SOX10: variants seen among roughly 807,000 people sequenced by gnomAD.
SOX10 encodes the protein SRY-box transcription factor 10.
SOX10 carries 3 observed loss-of-function variants against 35.0 expected under a neutral mutation model. The observed-to-expected ratio is 0.09, with a 90% CI of 0.04 to 0.22. The LOEUF (loss-of-function observed/expected upper bound fraction) is 0.22. SOX10 is among the 10% of genes least tolerant of loss of function. SOX10 has a pLI of 1.00. For synonymous variants in SOX10, 285 were observed against 291.0 expected (o/e 0.98, Z 0.21); for missense variants, 436 against 655.1 (o/e 0.67, Z 3.65).
chr22:37,983,223 C>G lies in SOX10; in HGVS notation c.428+134G>C, dbSNP rs922219943. ...GGAAGGGCGGGCGCGGCCCCCACAC[C>G]TGGTCTTCCAGCCCTATCCAAGGAG... On this transcript the variant is annotated intron_variant, in intron 2 of 3. Transcript: ENST00000396884. The surrounding 1 kb of genome is among the most constrained non-coding windows in gnomAD (Gnocchi z 9.5). The G allele has an allele frequency of 1.8e-6, 2 of 1,098,210 alleles. No individual in the cohort carries two copies. The highest frequency in any genetic ancestry group is 2.0e-5 in the Admixed American group (1 of 49,220). The allele number at this position is 1,098,210 out of a possible 1,614,324, so 68.0% of individuals were successfully genotyped here. A position where few individuals can be genotyped will look rare whatever the true frequency, so the allele number is the denominator to read the frequency against.
rs907109273 is a variant in SOX10, at chr22:37,975,001, A to G, written c.698-803T>C. Among the ~76,000 whole-genome samples the G allele has an allele frequency of 2.6e-5, 4 of 152,176 alleles. No homozygotes were observed. In the East Asian group the frequency reaches 7.7e-4, roughly 29 times the overall value. On this transcript the variant is annotated intron_variant, in intron 3 of 3. Transcript: ENST00000396884. ...TCCTCCTGAGCCCACCCTGCTTCCC[A>G]GCCCACTGGCAAGCCCTTAGCCCCG...
chr22:37,978,167 A>T lies in SOX10; in HGVS notation c.429-32T>A, dbSNP rs747919554. The T allele has an allele frequency of 6.6e-7, 1 of 1,510,498 alleles. No homozygotes were observed. The highest frequency in any genetic ancestry group is 2.0e-5 in the Admixed American group (1 of 49,916). The allele number at this position is 1,510,498 out of a possible 1,614,324, so 93.6% of individuals were successfully genotyped here. ...TGTGGTGGGAGGCGGAGAGGACAGC[A>T]GAGGGGCTGGCGTGAATGCCAGAGC... is the stretch of plus-strand genomic sequence containing the variant. On this transcript the variant is annotated intron_variant, in intron 2 of 3. Transcript: ENST00000396884. This position sits in a 1 kb window ranked among gnomAD's most constrained non-coding sequence, Gnocchi z 5.0.
rs949765986 is a variant in SOX10, at chr22:37,973,915, G to A, written c.981C>T (p.Ala327=). Residue 327 remains alanine, a synonymous_variant, in exon 4 of 4, where the codon GCC becomes GCT. Transcript: ENST00000396884. ...TGGAGATCCAGGCGGAGTGTCCACTGGCCACGGCCAGGGCACTGCCCAGCC... is the reference window on the plus strand; with the variant it reads ...TGGAGATCCAGGCGGAGTGTCCACTAGCCACGGCCAGGGCACTGCCCAGCC... ...GYGLGSALAV[A]SGHSAWISKP... 2 of 1,610,156 alleles carry A rather than the reference G, an allele frequency of 1.2e-6. No individual in the cohort carries two copies. The highest frequency in any genetic ancestry group is 2.7e-5 in the African/African-American group (2 of 75,052).
rs1219892479 is a variant in SOX10, at chr22:37,983,168, T to C, written c.428+189A>G. 6.6e-6 allele frequency among the ~76,000 whole-genome samples: 1 copy of C among 152,178 alleles called. No individual in the cohort carries two copies. The highest frequency in any genetic ancestry group is 1.5e-5 in the Non-Finnish European group (1 of 68,016). On this transcript the variant is annotated intron_variant, in intron 2 of 3. Coordinates refer to ENST00000396884, the MANE Select transcript of SOX10 (RefSeq NM_006941.4). The surrounding 1 kb of genome is among the most constrained non-coding windows in gnomAD (Gnocchi z 9.5). ...CGTAGGGAGACCCGGCCTAGGCCGC[T>C]GGAGTTCCGAGTTCCAGGGTCCTTG...
chr22:37,972,361 T>C lies in SOX10; in HGVS notation c.*1134A>G. On this transcript the variant is annotated 3_prime_UTR_variant, in exon 4 of 4. Coordinates refer to ENST00000396884, the MANE Select transcript of SOX10 (RefSeq NM_006941.4). ...TGTGGAATGCTTAATGCAGAGTTAA[T>C]AGGGGCTAGAGTGGCTAGGAGAGGG... 1.6e-6 allele frequency: 1 copy of C among 606,686 alleles called. No individual in the cohort carries two copies. The highest frequency in any genetic ancestry group is 1.5e-5 in the South Asian group (1 of 65,000). The allele number at this position is 606,686 out of a possible 1,614,324, so 37.6% of individuals were successfully genotyped here.
chr22:37,982,118 T>C (rs1932418142), intron 2 of SOX10, among the ~76,000 whole-genome samples: 2 of 152,150 alleles, frequency 1.3e-5, no homozygotes, highest in Admixed American at 6.5e-5. Context: ...TCCTCACTCT[T>C]GTTCTCATCT....
At position 37,977,942 on chromosome 22, in the gene SOX10, T is replaced by C. The variant is rs1400625808; in HGVS notation, c.622A>G (p.Lys208Glu). Residue 208 changes from lysine (K) to glutamate (E), a missense_variant, in exon 3 of 4, where the codon AAG (lysine) becomes GAG (glutamate). Coordinates refer to ENST00000396884, the MANE Select transcript of SOX10 (RefSeq NM_006941.4). ...TGCCGGTGGTCCAAGTGGGCGCTCT[T>C]GTAGTGGGCCTGGATGGCGGCGGTC... ...GGTAAIQAHY[K>E]SAHLDHRHPG... 5.6e-6 allele frequency: 9 copies of C among 1,612,668 alleles called. No homozygotes were observed. The highest frequency in any genetic ancestry group is 1.3e-5 in the African/African-American group (1 of 74,892).
intron 3 of SOX10, among the ~76,000 whole-genome samples, chr22:37,975,291 T>C (rs1169918853): frequency 6.6e-6 from 1 of 152,202 alleles, no homozygotes; most frequent in Admixed American, 6.5e-5. Flanking sequence ...TTGGAAGTGC[T>C]GTGGTGACAA....
rs1286674385 is a variant in SOX10 at position 37,980,071 on chromosome 22, G to A, written c.429-1936C>T. Among the ~76,000 whole-genome samples, 3 of 152,170 alleles carry A rather than the reference G, an allele frequency of 2.0e-5. No individual in the cohort carries two copies. Among genetic ancestry groups the A allele is most frequent in the African/African-American group, 7.2e-5 (3 of 41,440 alleles). ...TCCCCCCACCCCGGCCCTGAGCCCA[G>A]CCCTAGCCCCAGCTTTCTCAGAGGG... is the stretch of plus-strand genomic sequence containing the variant. On this transcript the variant is annotated intron_variant, in intron 2 of 3. Coordinates refer to ENST00000396884, the MANE Select transcript of SOX10 (RefSeq NM_006941.4). The surrounding 1 kb of genome is among the most constrained non-coding windows in gnomAD (Gnocchi z 4.1).
Position 37,973,974 on chromosome 22 carries a change from C to T in SOX10, c.922G>A (p.Gly308Ser). The T allele has an allele frequency of 6.2e-7, 1 of 1,612,420 alleles. No individual in the cohort carries two copies. The highest frequency in any genetic ancestry group is 8.5e-7 in the Non-Finnish European group (1 of 1,179,946). The stretch of plus-strand genomic sequence containing the variant: ...GCTGCTGAGTAGCTGCTCACATGGC[C>T]TGGGTGCCCATTGGGCGGCAGGTAC... ...DQYLPPNGHP[G>S]HVSSYSAAGY... Residue 308 changes from glycine to serine, a missense_variant, in exon 4 of 4, where the codon GGC (glycine) becomes AGC (serine). Transcript: ENST00000396884.
Position 37,978,161 on chromosome 22 carries a change from G to T in SOX10, c.429-26C>A. 1 of 1,519,502 alleles carries T rather than the reference G, an allele frequency of 6.6e-7. No homozygotes were observed. The highest frequency in any genetic ancestry group is 8.8e-7 in the Non-Finnish European group (1 of 1,134,312). 94.1% of individuals were successfully genotyped at this position (1,519,502 alleles called of 1,614,324 possible). ...CTGGGGTGTGGTGGGAGGCGGAGAG[G>T]ACAGCAGAGGGGCTGGCGTGAATGC... On this transcript the variant is annotated intron_variant, in intron 2 of 3. Transcript: ENST00000396884. The surrounding 1 kb of genome is among the most constrained non-coding windows in gnomAD (Gnocchi z 5.0).
At position 37,977,949 on chromosome 22, in the gene SOX10, G is replaced by A; in HGVS notation, c.615C>T (p.Ala205=). ...GGTCCAAGTGGGCGCTCTTGTAGTG[G>A]GCCTGGATGGCGGCGGTCCCACCTT... is the stretch of plus-strand genomic sequence containing the variant. ...AEQGGTAAIQ[A]HYKSAHLDHR... is the part of the protein sequence containing the mutation. The change falls in exon 3 of 4, where the codon GCC becomes GCT. Residue 205 remains alanine, a synonymous_variant. Coordinates refer to ENST00000396884, the MANE Select transcript of SOX10 (RefSeq NM_006941.4). 1 of 1,612,660 alleles carries A rather than the reference G, an allele frequency of 6.2e-7. No homozygotes were observed. Among genetic ancestry groups the A allele is most frequent in the East Asian group, 2.2e-5 (1 of 44,870 alleles).
chr22:37,973,078 T>G lies in SOX10; in HGVS notation c.*417A>C. 5.7e-6 allele frequency: 1 copy of G among 174,832 alleles called. No homozygotes were observed. Among genetic ancestry groups the G allele is most frequent in the Non-Finnish European group, 1.2e-5 (1 of 82,202 alleles). 10.8% of individuals were successfully genotyped at this position (174,832 alleles called of 1,614,324 possible). The stretch of plus-strand genomic sequence containing the variant: ...CACTGTGGCATAGGTGGCATGGGCA[T>G]GTCAGACCCTCACTATCTGTGAGAG... On this transcript the variant is annotated 3_prime_UTR_variant, in exon 4 of 4. Transcript: ENST00000396884.
At position 37,983,861 on chromosome 22, in the gene SOX10, A is replaced by C. The variant is rs1932488601; in HGVS notation, c.-77T>G. On this transcript the variant is annotated 5_prime_UTR_variant, in exon 2 of 4. Transcript: ENST00000396884. This position sits in a 1 kb window ranked among gnomAD's most constrained non-coding sequence, Gnocchi z 9.5. Reference sequence around the variant, plus strand: ...CGCCGGGGTCCTCGCAAAGAGTCCAACGCCCACCTGGATGGAAGGAGGGCG... The same window carrying C: ...CGCCGGGGTCCTCGCAAAGAGTCCACCGCCCACCTGGATGGAAGGAGGGCG... 3 of 1,246,840 alleles carry C rather than the reference A, an allele frequency of 2.4e-6. No individual in the cohort carries two copies. The highest frequency in any genetic ancestry group is 3.1e-6 in the Non-Finnish European group (3 of 973,596). 77.2% of individuals were successfully genotyped at this position (1,246,840 alleles called of 1,614,324 possible).
rs977876582 is a variant in SOX10 at position 37,974,239 on chromosome 22, A to G, written c.698-41T>C. 1.7e-5 allele frequency: 25 copies of G among 1,499,208 alleles called. No homozygotes were observed. The highest frequency in any genetic ancestry group is 1.2e-4 in the African/African-American group (9 of 73,072). 92.9% of individuals were successfully genotyped at this position (1,499,208 alleles called of 1,614,324 possible). On this transcript the variant is annotated intron_variant, in intron 3 of 3. Transcript: ENST00000396884. The surrounding 1 kb of genome is among the most constrained non-coding windows in gnomAD (Gnocchi z 5.4). ...ACAGAGAGAGAGAGCGCAAGGGGGA[A>G]GCAGGTTAGAGGCAGGTGGGCGCAC...
In SOX10 at chr22:37,973,423, A is replaced by T; in HGVS notation, c.*72T>A. On this transcript the variant is annotated 3_prime_UTR_variant, in exon 4 of 4. Coordinates refer to ENST00000396884, the MANE Select transcript of SOX10 (RefSeq NM_006941.4). The stretch of plus-strand genomic sequence containing the variant: ...TCCTCCACTGCCACCACCAGGCCTG[A>T]GGTGGGCAAGGAACAGGGCACACAG... The T allele has an allele frequency of 1.0e-6, 1 of 994,646 alleles. No individual in the cohort carries two copies. Among genetic ancestry groups the T allele is most frequent in the Non-Finnish European group, 1.5e-6 (1 of 681,242 alleles). The allele number at this position is 994,646 out of a possible 1,614,324, so 61.6% of individuals were successfully genotyped here.
Position 37,974,038 on chromosome 22 carries a change from C to G in SOX10, c.858G>C (p.Met286Ile). ...CCACATCAAAGGTCTCCATGTTGGA[C>G]ATTACCTCGTGGCTGATCTCACCAA... ...VDIGEISHEV[M>I]SNMETFDVAE... The change falls in exon 4 of 4, where the codon ATG becomes ATC. Residue 286 changes from methionine (M) to isoleucine (I), a missense_variant. Around this residue, in one of 3 missense-constraint regions of SOX10, gnomAD observed 285 missense variants for 402.9 expected, o/e 0.71. Transcript: ENST00000396884. This position sits in a 1 kb window ranked among gnomAD's most constrained non-coding sequence, Gnocchi z 5.4. 6.2e-7 allele frequency: 1 copy of G among 1,614,048 alleles called. No homozygotes were observed. The highest frequency in any genetic ancestry group is 8.5e-7 in the Non-Finnish European group (1 of 1,180,030).
Position 37,973,220 on chromosome 22 carries a change from G to A in SOX10, c.*275C>T. The A allele has an allele frequency of 2.4e-6, 1 of 418,844 alleles. No individual in the cohort carries two copies. Among genetic ancestry groups the A allele is most frequent in the East Asian group, 3.6e-5 (1 of 27,868 alleles). 25.9% of individuals were successfully genotyped at this position (418,844 alleles called of 1,614,324 possible). On this transcript the variant is annotated 3_prime_UTR_variant, in exon 4 of 4. Transcript: ENST00000396884. ...GTCCTGGGATAGAGGGTCATTCCTG[G>A]GGGAAGGTGCAGCCCCTCATCTTTC...
rs1368705542 is a variant in SOX10, at chr22:37,973,659, C to T, written c.1237G>A (p.Gly413Ser). The T allele has an allele frequency of 6.2e-7, 1 of 1,613,616 alleles. No individual in the cohort carries two copies. The highest frequency in any genetic ancestry group is 1.7e-5 in the Admixed American group (1 of 59,992). ...SDHQPSGPYY[G>S]HSGQASGLYS... ...AGGCCAGAGGCCTGGCCCGAGTGGC[C>T]ATAATAGGGTCCTGAGGGCTGATGG... The change falls in exon 4 of 4, where the codon GGC becomes AGC. Residue 413 changes from glycine to serine, a missense_variant. By Grantham distance (56) the Gly-to-Ser change is moderately conservative (BLOSUM62 0). Transcript: ENST00000396884.
Sources: gnomAD v4.1 joint callset for allele counts (sites outside exome capture counted in the v4.1 genomes callset) on GRCh38, gnomAD v4.1.1 for gene constraint, gnomAD v4.1.1 regional missense constraint, Gnocchi (gnomAD v3.1) non-coding constraint, MANE v1.5 for transcripts, NCBI Gene and HGNC (gene_info 2026-07-23, HGNC 2026-07-21) for gene names.